SLC35F2: variants seen among roughly 807,000 people sequenced by gnomAD.
SLC35F2 encodes solute carrier family 35 member F2.
SLC35F2 carries 25 observed loss-of-function variants against 38.1 expected under a neutral mutation model. That is an observed-to-expected ratio of 0.66 (90% confidence interval 0.48 to 0.92). The LOEUF is 0.92. Among genes scored for constraint, SLC35F2 ranks in the 40% least tolerant of loss-of-function variants. SLC35F2 has a pLI of 0.00. For synonymous variants in SLC35F2, 173 were observed against 181.7 expected (o/e 0.95, Z 0.38); for missense variants, 409 against 452.9 (o/e 0.90, Z 0.88).
At chr11:107,822,851 A>T (rs751294417) in intron 1 of SLC35F2, among the ~76,000 whole-genome samples, 4 of 152,076 alleles carry the variant, frequency 2.6e-5, no homozygotes, top group Non-Finnish European at 5.9e-5. Flanking sequence ...CAAAACAATC[A>T]CACACCTGAA....
intron 2 of SLC35F2, among the ~76,000 whole-genome samples, chr11:107,812,634 T>C (rs1321888904): frequency 6.6e-6 from 1 of 152,192 alleles, no homozygotes. Flanking sequence ...GGCACGTTTA[T>C]CTATGTAACA....
At chr11:107,856,558 G>A (rs935487508) in intron 1 of SLC35F2, among the ~76,000 whole-genome samples, 14 of 152,108 alleles carry the variant, frequency 9.2e-5, no homozygotes, top group Non-Finnish European at 1.9e-4. Context: ...TTAGCCTGGC[G>A]TGGTGGTATA....
chr11:107,815,310 G>A (rs1211095903), intron 2 of SLC35F2, among the ~76,000 whole-genome samples: 1 of 151,496 alleles, frequency 6.6e-6, no homozygotes, highest in East Asian at 1.9e-4. Flanking sequence ...AGCACTTTGG[G>A]AGGCTGAGGT....
chr11:107,845,194 A>G (rs1361024672), intron 1 of SLC35F2, among the ~76,000 whole-genome samples: 2 of 152,178 alleles, frequency 1.3e-5, no homozygotes, highest in Non-Finnish European at 2.9e-5. Context: ...CTCTGGGAAG[A>G]TCTACTGCAC....
intron 7 of SLC35F2, among the ~76,000 whole-genome samples, chr11:107,794,084 T>C (rs895632736): frequency 1.2e-3 from 25 of 21,528 alleles, no homozygotes; most frequent in Non-Finnish European, 2.2e-3. Flanking sequence ...GTATTTTTTC[T>C]TTTTTTTTTT....
chr11:107,792,676 A>T lies in SLC35F2; in HGVS notation c.1064T>A (p.Ile355Asn), dbSNP rs775333224. The stretch of plus-strand genomic sequence containing the variant: ...CTCCAGCTTCAGCCCCAGGTTGTCA[A>T]TCCCAATGCTGGTGACTGGAGGCAC... ...SSVPPVTSIG[I>N]DNLGLKLEEN... Residue 355 changes from isoleucine to asparagine, a missense_variant, in exon 8 of 8, where the codon ATT (isoleucine) becomes AAT (asparagine). Ile to Asn is a moderately radical substitution (Grantham distance 149). Transcript: ENST00000525815. The T allele has an allele frequency of 3.1e-6, 5 of 1,613,758 alleles. No homozygotes were observed. Among genetic ancestry groups the T allele is most frequent in the Non-Finnish European group, 4.2e-6 (5 of 1,179,936 alleles).
At chr11:107,813,398 T>C (rs1425417868) in intron 2 of SLC35F2, among the ~76,000 whole-genome samples, 4 of 152,066 alleles carry the variant, frequency 2.6e-5, no homozygotes, top group Non-Finnish European at 4.4e-5. Flanking sequence ...TGAGCCGAGA[T>C]TGTGCCATTG....
chr11:107,804,023 A>G lies in SLC35F2; in HGVS notation c.784+695T>C, dbSNP rs182033557. 6.6e-3 allele frequency among the ~76,000 whole-genome samples: 982 copies of G among 147,918 alleles called. 11 individuals carry two copies. Among genetic ancestry groups the G allele is most frequent in the Non-Finnish European group, 7.3e-3 (493 of 67,266 alleles). On this transcript the variant is annotated intron_variant, in intron 6 of 7. Coordinates refer to ENST00000525815, the MANE Select transcript of SLC35F2 (RefSeq NM_017515.5). Reference sequence around the variant, plus strand: ...TTTTTTTTTTTTGTATTTTTAGTAGAGACAGGGTTTCTCCATGTTGGCCAG... The same window carrying G: ...TTTTTTTTTTTTGTATTTTTAGTAGGGACAGGGTTTCTCCATGTTGGCCAG...
chr11:107,858,501 C>G, intron 1 of SLC35F2, 157 bp downstream of exon 1: 1 of 550,686 alleles, frequency 1.8e-6, no homozygotes. Flanking sequence ...CGCACCATAC[C>G]TGGTGTGCGT....
intron 7 of SLC35F2, among the ~76,000 whole-genome samples, chr11:107,799,166 G>A (rs1384965408): frequency 1.3e-5 from 2 of 152,148 alleles, no homozygotes; most frequent in Admixed American, 6.5e-5. Context: ...GATTTCAGAA[G>A]ACCTGCTCTT....
chr11:107,830,310 G>A (rs1859818278), intron 1 of SLC35F2, among the ~76,000 whole-genome samples: 1 of 152,058 alleles, frequency 6.6e-6, no homozygotes, highest in Non-Finnish European at 1.5e-5. Flanking sequence ...TGTTGGCTGG[G>A]CACAGTGGCT....
At chr11:107,827,748 CAAA>C (rs34012776) in intron 1 of SLC35F2, among the ~76,000 whole-genome samples, 3 of 130,640 alleles carry the variant, frequency 2.3e-5, no homozygotes, top group African/African-American at 8.6e-5. Flanking sequence ...GACTCTGTCT[CAAA>C]AAAAAAAAAA....
rs564451943 is a variant in SLC35F2, at chr11:107,830,033, G to A, written c.111-14068C>T. The stretch of plus-strand genomic sequence containing the variant: ...CCTAGCACGTTGGGAAGGCCAAGGC[G>A]GGAGGATCACCTAAGGCCACAAGTT... On this transcript the variant is annotated intron_variant, in intron 1 of 7. Coordinates refer to ENST00000525815, the MANE Select transcript of SLC35F2 (RefSeq NM_017515.5). Among the ~76,000 whole-genome samples the A allele has an allele frequency of 5.3e-5, 8 of 152,020 alleles. No homozygotes were observed. The South Asian group carries it at 1.0e-3, about 20-fold the overall frequency.
chr11:107,843,812 T>A (rs1407654447), intron 1 of SLC35F2, among the ~76,000 whole-genome samples: 1 of 133,918 alleles, frequency 7.5e-6, no homozygotes, highest in Non-Finnish European at 1.5e-5. Context: ...ACCATGGCAC[T>A]CTAGCCTGGG....
chr11:107,826,919 TA>T lies in SLC35F2; in HGVS notation c.111-10955del, dbSNP rs566926494. On this transcript the variant is annotated intron_variant, in intron 1 of 7. Coordinates refer to ENST00000525815, the MANE Select transcript of SLC35F2 (RefSeq NM_017515.5). ...GGGAGTATTTACAAATACTGTGGAA[TA>T]CAGAAAATAAGAAAATTATATTGAT... Among the ~76,000 whole-genome samples the T allele has an allele frequency of 3.0e-3, 463 of 152,260 alleles. 1 individual carries two copies. Among genetic ancestry groups the T allele is most frequent in the African/African-American group, 0.01 (418 of 41,574 alleles).
intron 1 of SLC35F2, among the ~76,000 whole-genome samples, chr11:107,846,180 A>G (rs566389793): frequency 5.5e-4 from 83 of 151,954 alleles, no homozygotes; most frequent in Admixed American, 1.6e-3. Context: ...TAATTTAGAA[A>G]GAACACAGGG....
intron 7 of SLC35F2, among the ~76,000 whole-genome samples, chr11:107,794,637 C>A (rs1859189856): frequency 6.6e-6 from 1 of 152,026 alleles, no homozygotes; most frequent in South Asian, 2.1e-4. Flanking sequence ...CTTTTAAGAA[C>A]TGGAAAAAAA....
chr11:107,797,057 C>T (rs895015975), intron 7 of SLC35F2, among the ~76,000 whole-genome samples: 1 of 152,148 alleles, frequency 6.6e-6, no homozygotes, highest in African/African-American at 2.4e-5. Flanking sequence ...AGGTTGACTA[C>T]AGTTGAAATG....
rs28600257 is a variant in SLC35F2, at chr11:107,843,868, A to T, written c.110+14790T>A. Among the ~76,000 whole-genome samples the T allele has an allele frequency of 5.2e-3, 238 of 46,102 alleles. 1 individual carries two copies. Among genetic ancestry groups the T allele is most frequent in the African/African-American group, 9.7e-3 (108 of 11,094 alleles). The allele number at this position is 46,102 out of a possible 152,430, so 30.2% of individuals were successfully genotyped here. On this transcript the variant is annotated intron_variant, in intron 1 of 7. Transcript: ENST00000525815. ...TCTTAAAAAAAAAAAAAAAAAAAAA[A>T]ATATATATATATATATATATATATA...
Sources: allele counts gnomAD v4.1 joint callset (sites outside exome capture counted in the v4.1 genomes callset), GRCh38; gene constraint gnomAD v4.1.1; transcripts MANE v1.5; gene names NCBI Gene and HGNC (gene_info 2026-07-23, HGNC 2026-07-21).